FRMD4A: variants seen among roughly 807,000 people sequenced by gnomAD.
FRMD4A encodes FERM domain containing 4A, also known as FERM domain-containing protein 4A.
FRMD4A carries 29 observed loss-of-function variants against 129.1 expected under a neutral mutation model. The observed-to-expected ratio is 0.22, with a 90% CI of 0.17 to 0.31. The LOEUF is 0.31. FRMD4A is among the 10% of genes least tolerant of loss of function. FRMD4A has a pLI of 1.00. For missense variants in FRMD4A, 1,272 were observed against 1,375.8 expected, an observed-to-expected ratio of 0.92 and a Z score of 1.19; for synonymous variants, 634 against 571.6, an observed-to-expected ratio of 1.11 and a Z score of -1.56.
At chr10:13,972,149 G>C in intron 2 of FRMD4A, 1 of 1,057,276 alleles carries the variant, frequency 9.5e-7, no homozygotes, top group Non-Finnish European at 1.1e-6. Context: ...CTGGCTCTTT[G>C]GCAGATCAAA....
intron 2 of FRMD4A, among the ~76,000 whole-genome samples, chr10:14,112,538 T>A (rs990980517): frequency 1.3e-5 from 2 of 152,206 alleles, no homozygotes; most frequent in African/African-American, 4.8e-5. Context: ...CTTTCTTCCT[T>A]TTTTTGAGAT....
intron 2 of FRMD4A, among the ~76,000 whole-genome samples, chr10:14,030,151 C>T (rs1302154314): frequency 1.3e-5 from 2 of 152,162 alleles, no homozygotes; most frequent in Non-Finnish European, 2.9e-5. Context: ...TTCAGTTACG[C>T]AGGAGGAATA....
intron 2 of FRMD4A, among the ~76,000 whole-genome samples, chr10:14,251,217 T>C (rs1589228746): frequency 6.6e-6 from 1 of 152,330 alleles, no homozygotes; most frequent in East Asian, 1.9e-4. Context: ...AACAAATCAA[T>C]ACAGCAGAAG....
intron 2 of FRMD4A, among the ~76,000 whole-genome samples, chr10:13,958,622 C>A (rs2941682): frequency 1.4e-5 from 2 of 147,432 alleles, no homozygotes; most frequent in African/African-American, 5.0e-5. Context: ...CCCCGCTCTT[C>A]TTGCCCAGGC....
chr10:14,241,222 T>C (rs963225043), intron 2 of FRMD4A, among the ~76,000 whole-genome samples: 1 of 152,222 alleles, frequency 6.6e-6, no homozygotes, highest in Non-Finnish European at 1.5e-5. Context: ...GCCCAGCTAA[T>C]GTAAAATTTA....
chr10:13,772,947 G>C (rs2092499287), intron 6 of FRMD4A, among the ~76,000 whole-genome samples: 2 of 152,208 alleles, frequency 1.3e-5, no homozygotes, highest in Admixed American at 1.3e-4. Flanking sequence ...GTAAGTAAAA[G>C]AGTAGAAGTG....
At chr10:14,234,161 A>G (rs1843723759) in intron 2 of FRMD4A, among the ~76,000 whole-genome samples, 1 of 152,148 alleles carries the variant, frequency 6.6e-6, no homozygotes, top group Non-Finnish European at 1.5e-5. Flanking sequence ...TTGACATAGC[A>G]TCTGTGAAGA....
chr10:14,209,556 C>T (rs1400179783), intron 2 of FRMD4A, among the ~76,000 whole-genome samples: 2 of 151,832 alleles, frequency 1.3e-5, no homozygotes, highest in African/African-American at 4.8e-5. Flanking sequence ...CCCGTCTCTA[C>T]TAAAAATACA....
chr10:13,679,458 A>AATAAAT (rs1554838332), intron 15 of FRMD4A, among the ~76,000 whole-genome samples: 1 of 24,544 alleles, frequency 4.1e-5, no homozygotes, highest in Non-Finnish European at 6.9e-5. Flanking sequence ...AAAAAAAAAA[A>AATAAAT]AAATATATAT....
intron 2 of FRMD4A, among the ~76,000 whole-genome samples, chr10:14,055,451 ACACACACACAAACAC>A (rs1834468910): frequency 5.5e-5 from 1 of 18,274 alleles, no homozygotes; most frequent in Non-Finnish European, 1.5e-4. Context: ...ACACACACAC[ACACACACACAAACAC>A]ACACACACAC....
intron 8 of FRMD4A, among the ~76,000 whole-genome samples, chr10:13,760,454 G>C (rs966721373): frequency 2.0e-5 from 3 of 152,088 alleles, no homozygotes; most frequent in African/African-American, 7.3e-5. Context: ...AGGAGCTGGA[G>C]GTTACAGTGA....
chr10:14,200,197 A>G (rs1237580214), intron 2 of FRMD4A, among the ~76,000 whole-genome samples: 1 of 150,384 alleles, frequency 6.6e-6, no homozygotes, highest in African/African-American at 2.4e-5. Flanking sequence ...CAGGCCTTAT[A>G]TTTTTGTGTT....
chr10:13,962,418 GT>G (rs1245402515), intron 2 of FRMD4A, among the ~76,000 whole-genome samples: 1 of 152,168 alleles, frequency 6.6e-6, no homozygotes, highest in Non-Finnish European at 1.5e-5. Flanking sequence ...CATATATATG[GT>G]TTTTTTAGTG....
At chr10:13,964,084 G>A (rs1457037389) in intron 2 of FRMD4A, among the ~76,000 whole-genome samples, 5 of 151,416 alleles carry the variant, frequency 3.3e-5, no homozygotes, top group African/African-American at 4.9e-5. Flanking sequence ...AACCAGAGAG[G>A]AGAGGACCAG....
At chr10:13,814,580 C>CAAAAAAAAAAAAAAAAAAAAAA (rs553044764) in intron 3 of FRMD4A, among the ~76,000 whole-genome samples, 3 of 41,388 alleles carry the variant, frequency 7.2e-5, no homozygotes, top group African/African-American at 2.7e-4. Flanking sequence ...GACCCTGTTT[C>CAAAAAAAAAAAAAAAAAAAAAA]AAAAAAAAAA....
chr10:13,728,974 T>C (rs2090123846), intron 12 of FRMD4A, among the ~76,000 whole-genome samples: 1 of 152,206 alleles, frequency 6.6e-6, no homozygotes, highest in Non-Finnish European at 1.5e-5. Flanking sequence ...GATTGATGCT[T>C]TGAGAAGACG....
intron 2 of FRMD4A, among the ~76,000 whole-genome samples, chr10:14,053,860 C>CA (rs1174906786): frequency 6.6e-6 from 1 of 151,786 alleles, no homozygotes; most frequent in African/African-American, 2.4e-5. Context: ...CCCGTCTCTA[C>CA]AAAAAAATGA....
intron 9 of FRMD4A, among the ~76,000 whole-genome samples, chr10:13,745,773 C>T (rs2091258037): frequency 6.6e-6 from 1 of 152,174 alleles, no homozygotes; most frequent in South Asian, 2.1e-4. Flanking sequence ...AAAGAGATTC[C>T]TCCCTGGTCC....
At chr10:13,831,846 C>CG (rs906915097) in intron 3 of FRMD4A, among the ~76,000 whole-genome samples, 1 of 152,056 alleles carries the variant, frequency 6.6e-6, no homozygotes, top group Admixed American at 6.6e-5. Flanking sequence ...AGGCATTCAC[C>CG]GGGGGAGAGG....
Sources: gnomAD v4.1 joint callset for allele counts (sites outside exome capture counted in the v4.1 genomes callset) on GRCh38, gnomAD v4.1.1 for gene constraint, MANE v1.5 for transcripts, NCBI Gene and HGNC (gene_info 2026-07-23, HGNC 2026-07-21) for gene names.